Variants in PIP4K2A observed in about 807,000 individuals in gnomAD.
PIP4K2A encodes phosphatidylinositol-5-phosphate 4-kinase type 2 alpha, also known as phosphatidylinositol 5-phosphate 4-kinase type-2 alpha.
PIP4K2A carries 14 observed loss-of-function variants against 42.9 expected under a neutral mutation model. The ratio of observed to expected loss-of-function variants is 0.33; its 90% CI spans 0.22 to 0.51. The LOEUF (loss-of-function observed/expected upper bound fraction) is 0.51, where lower values mean the gene tolerates loss of function less well. PIP4K2A is among the 20% of genes least tolerant of loss of function. The pLI is 0.97. For synonymous variants in PIP4K2A, 192 were observed against 192.2 expected, an observed-to-expected ratio of 1.00 and a Z score of 0.01; for missense variants, 434 against 519.8, an observed-to-expected ratio of 0.83 and a Z score of 1.61.
chr10:22,555,880 A>G (rs907705231), intron 6 of PIP4K2A, among the ~76,000 whole-genome samples: 1 of 140,116 alleles, frequency 7.1e-6, no homozygotes, highest in Admixed American at 7.5e-5. Context: ...GTGAACACTA[A>G]TGAGAGCTGA....
intron 1 of PIP4K2A, among the ~76,000 whole-genome samples, chr10:22,635,097 G>A (rs1261017568): frequency 1.3e-5 from 2 of 152,096 alleles, no homozygotes; most frequent in African/African-American, 4.8e-5. Context: ...GAGGGAGGGA[G>A]GCAGAGGTGA....
In PIP4K2A at chr10:22,554,663, C is replaced by A. The variant is rs188460411; in HGVS notation, c.679-3891G>T. Among the ~76,000 whole-genome samples, 847 of 152,348 alleles carry A rather than the reference C, an allele frequency of 5.6e-3. 6 individuals carry two copies. Among genetic ancestry groups the A allele is most frequent in the Non-Finnish European group, 7.3e-3 (494 of 68,032 alleles). ...GCAACCTTTCTGAAGTGGCGGCGGG[C>A]CGAGTCTTTATTTGCGCTGAATTCA... On this transcript the variant is annotated intron_variant, in intron 6 of 9. Coordinates refer to ENST00000376573, the MANE Select transcript of PIP4K2A (RefSeq NM_005028.5).
chr10:22,637,061 C>T (rs968484646), intron 1 of PIP4K2A, among the ~76,000 whole-genome samples: 2 of 152,212 alleles, frequency 1.3e-5, no homozygotes, highest in Non-Finnish European at 2.9e-5. Context: ...TAGCAATAAA[C>T]AAGTACTACA....
At chr10:22,539,824 T>C (rs1836044552) in intron 9 of PIP4K2A, 147 bp downstream of exon 9, 1 of 690,340 alleles carries the variant, frequency 1.4e-6, no homozygotes, top group Non-Finnish European at 2.6e-6. Context: ...AATGGCTCAG[T>C]AGAAAGCAGC....
chr10:22,567,944 C>T lies in PIP4K2A; in HGVS notation c.640-55G>A, dbSNP rs780798147. The T allele has an allele frequency of 4.2e-5, 62 of 1,492,498 alleles. No homozygotes were observed. The Admixed American group carries it at 5.5e-4, about 13-fold the overall frequency. The allele number at this position is 1,492,498 out of a possible 1,614,324, so 92.5% of individuals were successfully genotyped here. On this transcript the variant is annotated intron_variant, in intron 5 of 9. Transcript: ENST00000376573. ...CGCATGGGAGGCATTGGGTTTCACA[C>T]GCAGAAAATATGAAAATGGCTCCAG...
At chr10:22,593,730 G>C (rs1314108267) in intron 3 of PIP4K2A, among the ~76,000 whole-genome samples, 1 of 152,218 alleles carries the variant, frequency 6.6e-6, no homozygotes, top group Non-Finnish European at 1.5e-5. Context: ...GGAACTGTAA[G>C]ATTGCAGATT....
chr10:22,637,563 T>A (rs1325376762), intron 1 of PIP4K2A, among the ~76,000 whole-genome samples: 1 of 152,180 alleles, frequency 6.6e-6, no homozygotes, highest in Non-Finnish European at 1.5e-5. Context: ...AAAGCCAGCA[T>A]CTTGCATGCC....
intron 1 of PIP4K2A, among the ~76,000 whole-genome samples, chr10:22,701,072 C>T (rs1176214167): frequency 3.3e-5 from 5 of 152,178 alleles, no homozygotes; most frequent in Admixed American, 6.5e-5. Flanking sequence ...ATCCACCACG[C>T]TAATTCAATT....
chr10:22,672,407 ATTTGTC>A (rs1293425250), intron 1 of PIP4K2A, among the ~76,000 whole-genome samples: 2 of 152,256 alleles, frequency 1.3e-5, no homozygotes, highest in East Asian at 3.9e-4. Context: ...GGATAAAGAG[ATTTGTC>A]TATAGTGATT....
intron 6 of PIP4K2A, among the ~76,000 whole-genome samples, chr10:22,566,204 A>C (rs980841888): frequency 7.2e-5 from 11 of 152,186 alleles, no homozygotes; most frequent in Admixed American, 7.2e-4. Context: ...TGGGGCCATC[A>C]CAGATCCTAC....
intron 7 of PIP4K2A, among the ~76,000 whole-genome samples, chr10:22,546,184 C>T (rs1836254505): frequency 6.6e-6 from 1 of 152,146 alleles, no homozygotes; most frequent in Non-Finnish European, 1.5e-5. Flanking sequence ...TGGACAATGC[C>T]ACTCACCTCA....
chr10:22,573,592 A>T (rs1320221083), intron 4 of PIP4K2A, 135 bp from the exon 5 acceptor site: 1 of 688,314 alleles, frequency 1.5e-6, no homozygotes, highest in Non-Finnish European at 2.4e-6. Context: ...ACAGAAAATG[A>T]CCACATTTGT....
At chr10:22,669,580 C>T (rs985933174) in intron 1 of PIP4K2A, among the ~76,000 whole-genome samples, 1 of 152,188 alleles carries the variant, frequency 6.6e-6, no homozygotes, top group Non-Finnish European at 1.5e-5. Context: ...AGAGTCAAGA[C>T]AGCAAACCCT....
At chr10:22,597,575 C>G (rs1837662056) in intron 3 of PIP4K2A, among the ~76,000 whole-genome samples, 1 of 152,004 alleles carries the variant, frequency 6.6e-6, no homozygotes, top group South Asian at 2.1e-4. Flanking sequence ...AAGGAGCAAT[C>G]TTTTATACTG....
At chr10:22,625,555 T>C (rs1297828206) in intron 1 of PIP4K2A, among the ~76,000 whole-genome samples, 1 of 152,186 alleles carries the variant, frequency 6.6e-6, no homozygotes, top group African/African-American at 2.4e-5. Context: ...CACCTATCTT[T>C]ATGCATCTAT....
intron 6 of PIP4K2A, among the ~76,000 whole-genome samples, chr10:22,556,190 G>A (rs563721203): frequency 1.8e-4 from 27 of 152,226 alleles, no homozygotes; most frequent in African/African-American, 6.5e-4. Flanking sequence ...TCACTACACA[G>A]GACCCACGGG....
intron 1 of PIP4K2A, among the ~76,000 whole-genome samples, chr10:22,640,716 A>C (rs938740515): frequency 6.6e-6 from 1 of 152,226 alleles, no homozygotes; most frequent in African/African-American, 2.4e-5. Context: ...GGGAAAATGG[A>C]ATCTAAACGG....
chr10:22,699,620 G>A (rs924138849), intron 1 of PIP4K2A, among the ~76,000 whole-genome samples: 1 of 152,016 alleles, frequency 6.6e-6, no homozygotes, highest in Non-Finnish European at 1.5e-5. Flanking sequence ...TTTAGGCTAC[G>A]GGCCACTTAG....
At chr10:22,563,466 T>C (rs1167759470) in intron 6 of PIP4K2A, among the ~76,000 whole-genome samples, 1 of 152,242 alleles carries the variant, frequency 6.6e-6, no homozygotes, top group Non-Finnish European at 1.5e-5. Flanking sequence ...AAATAATTTA[T>C]TTCACTACTT....
Sources: allele counts gnomAD v4.1 joint callset (sites outside exome capture counted in the v4.1 genomes callset), GRCh38; gene constraint gnomAD v4.1.1; transcripts MANE v1.5; gene names NCBI Gene and HGNC (gene_info 2026-07-23, HGNC 2026-07-21).